FARS2: variants seen among roughly 807,000 people sequenced by gnomAD.
FARS2 encodes the protein phenylalanyl-tRNA synthetase 2, mitochondrial.
Under a neutral mutation model 46.4 loss-of-function variants are expected in FARS2, and 40 were observed. The ratio of observed to expected loss-of-function variants is 0.86; its 90% CI spans 0.67 to 1.12. The LOEUF (loss-of-function observed/expected upper bound fraction) is 1.12. Among genes scored for constraint, FARS2 ranks in the 50% most tolerant of loss-of-function variants. FARS2 has a pLI of 0.00. For synonymous variants in FARS2, 234 were observed against 214.9 expected, an observed-to-expected ratio of 1.09 and a Z score of -0.78; for missense variants, 513 against 567.9, an observed-to-expected ratio of 0.90 and a Z score of 0.98.
intron 4 of FARS2, among the ~76,000 whole-genome samples, chr6:5,526,047 G>A (rs550146771): frequency 3.3e-5 from 5 of 152,296 alleles, no homozygotes; most frequent in Admixed American, 1.3e-4. Flanking sequence ...TATCCAATAA[G>A]ATTCAATGAT....
intron 1 of FARS2, among the ~76,000 whole-genome samples, chr6:5,270,478 GCTGT>G (rs1765867831): frequency 2.0e-5 from 3 of 152,238 alleles, no homozygotes; most frequent in Admixed American, 2.0e-4. Flanking sequence ...GAGCTGTCAA[GCTGT>G]CTGGATGCCC....
At chr6:5,260,536 C>T (rs1410549107), upstream of FARS2, 1 of 1,420,786 alleles carries the variant, frequency 7.0e-7, no homozygotes, top group East Asian at 2.5e-5. Context: ...GCCTCGCAGC[C>T]GCCGGCAAAC....
intron 6 of FARS2, among the ~76,000 whole-genome samples, chr6:5,673,387 C>T (rs935722075): frequency 1.3e-5 from 2 of 152,166 alleles, no homozygotes; most frequent in Admixed American, 6.5e-5. Flanking sequence ...TCCTTCATTC[C>T]CTTCCTAGGG....
intron 5 of FARS2, among the ~76,000 whole-genome samples, chr6:5,563,813 A>G (rs1772156438): frequency 6.6e-6 from 1 of 152,212 alleles, no homozygotes; most frequent in South Asian, 2.1e-4. Flanking sequence ...TGCTTAATAA[A>G]GGGGTTAACC....
At chr6:5,546,453 T>C (rs1414387677) in intron 5 of FARS2, among the ~76,000 whole-genome samples, 1 of 151,798 alleles carries the variant, frequency 6.6e-6, no homozygotes, top group Admixed American at 6.6e-5. Flanking sequence ...GGTTTCACCA[T>C]GTTGGCCAGG....
At chr6:5,432,352 TATATATATATA>T (rs1562036607) in intron 4 of FARS2, among the ~76,000 whole-genome samples, 2 of 21,604 alleles carry the variant, frequency 9.3e-5, no homozygotes, top group African/African-American at 4.3e-4. Context: ...ATATATATAT[TATATATATATA>T]ATATATTATA....
chr6:5,457,417 C>A (rs906342932), intron 4 of FARS2, among the ~76,000 whole-genome samples: 1 of 152,080 alleles, frequency 6.6e-6, no homozygotes, highest in Non-Finnish European at 1.5e-5. Flanking sequence ...AAGGGCTGGC[C>A]GACGTTTTTG....
At chr6:5,660,105 C>T (rs1195468820) in intron 6 of FARS2, among the ~76,000 whole-genome samples, 2 of 152,166 alleles carry the variant, frequency 1.3e-5, no homozygotes, top group Non-Finnish European at 2.9e-5. Flanking sequence ...ATCTTGCACT[C>T]TCTGGCTCAC....
intron 6 of FARS2, among the ~76,000 whole-genome samples, chr6:5,680,178 TG>T (rs1476817198): frequency 2.0e-5 from 3 of 152,246 alleles, no homozygotes; most frequent in African/African-American, 7.2e-5. Flanking sequence ...ACAATGCTTA[TG>T]CTCAGAGCAC....
chr6:5,467,137 TA>T, intron 4 of FARS2: 2 of 913,412 alleles, frequency 2.2e-6, no homozygotes, highest in Non-Finnish European at 2.6e-6. Context: ...TTAGTTTGTT[TA>T]AATTAGATTA....
chr6:5,369,246 A>T (rs1758885267), intron 2 of FARS2, 64 bp downstream of exon 2: 1 of 1,514,280 alleles, frequency 6.6e-7, no homozygotes, highest in Admixed American at 1.8e-5. Flanking sequence ...GAGGTCACTA[A>T]CATTTAGCTC....
At chr6:5,260,917 C>G (rs1012047072), upstream of FARS2, 7 of 1,366,226 alleles carry the variant, frequency 5.1e-6, no homozygotes, top group Admixed American at 6.8e-5. Context: ...CCAGGCGTCC[C>G]GCGCCGCTTC....
chr6:5,627,452 C>CT (rs1776091300), intron 6 of FARS2, among the ~76,000 whole-genome samples: 1 of 152,236 alleles, frequency 6.6e-6, no homozygotes, highest in Admixed American at 6.5e-5. Flanking sequence ...CAGAATTTTA[C>CT]TAGAGTAATT....
At chr6:5,537,375 C>T (rs1463933332) in intron 4 of FARS2, among the ~76,000 whole-genome samples, 1 of 152,202 alleles carries the variant, frequency 6.6e-6, no homozygotes, top group Non-Finnish European at 1.5e-5. Context: ...TTTGCTCCCT[C>T]TCCACCCCAG....
At chr6:5,351,582 G>T (rs764763444) in intron 1 of FARS2, among the ~76,000 whole-genome samples, 2 of 152,114 alleles carry the variant, frequency 1.3e-5, no homozygotes, top group Admixed American at 1.3e-4. Context: ...TATTTTCCTC[G>T]ATTACAGAAG....
intron 6 of FARS2, among the ~76,000 whole-genome samples, chr6:5,623,727 AT>A (rs11334117): frequency 0.075 from 10,892 of 144,688 alleles, 1,262 homozygotes; most frequent in African/African-American, 0.26. Context: ...AAATAAATAA[AT>A]AAAATAAAGA....
At chr6:5,458,603 A>G (rs1448128471) in intron 4 of FARS2, among the ~76,000 whole-genome samples, 1 of 152,006 alleles carries the variant, frequency 6.6e-6, no homozygotes, top group Non-Finnish European at 1.5e-5. Context: ...TATATAATCC[A>G]CCTCATACAC....
chr6:5,735,272 G>A (rs1050253642), intron 6 of FARS2, among the ~76,000 whole-genome samples: 1 of 152,216 alleles, frequency 6.6e-6, no homozygotes, highest in Non-Finnish European at 1.5e-5. Flanking sequence ...ATAAGTAGCA[G>A]AACTGTAGTT....
Position 5,771,503 on chromosome 6 carries a change from T to C in FARS2, c.*74T>C. On this transcript the variant is annotated 3_prime_UTR_variant, in exon 7 of 7. Coordinates refer to ENST00000274680, the MANE Select transcript of FARS2 (RefSeq NM_006567.5). ...CTGAAAGAGAAAAAGATATGGTTTG[T>C]GAACTGGGGCATCAATCATCTTTTG... The C allele has an allele frequency of 6.8e-7, 1 of 1,460,178 alleles. No individual in the cohort carries two copies. The highest frequency in any genetic ancestry group is 9.3e-7 in the Non-Finnish European group (1 of 1,075,416). The allele number at this position is 1,460,178 out of a possible 1,614,324, so 90.5% of individuals were successfully genotyped here. A position where few individuals can be genotyped will look rare whatever the true frequency, so the allele number is the denominator to read the frequency against.
Sources: allele counts gnomAD v4.1 joint callset (sites outside exome capture counted in the v4.1 genomes callset), GRCh38; gene constraint gnomAD v4.1.1; transcripts MANE v1.5; gene names NCBI Gene and HGNC (gene_info 2026-07-23, HGNC 2026-07-21).